The following SLC24A4 variants were observed in gnomAD, a reference collection of about 807,000 sequenced individuals.
SLC24A4 encodes the protein sodium/potassium/calcium exchanger 4.
A neutral mutation model predicts 79.0 loss-of-function variants in SLC24A4; 53 were observed. The ratio of observed to expected loss-of-function variants is 0.67; its 90% CI spans 0.54 to 0.84. The LOEUF (loss-of-function observed/expected upper bound fraction) is 0.84. Ranked by LOEUF, SLC24A4 falls within the 40% of genes least tolerant of loss-of-function variation. The pLI is 0.00. For synonymous variants in SLC24A4, 323 were observed against 323.8 expected, an observed-to-expected ratio of 1.00 and a Z score of 0.03; for missense variants, 731 against 822.0, an observed-to-expected ratio of 0.89 and a Z score of 1.35.
chr14:92,344,297 CAA>C (rs1480211411), intron 2 of SLC24A4, among the ~76,000 whole-genome samples: 2 of 152,174 alleles, frequency 1.3e-5, no homozygotes, highest in Non-Finnish European at 1.5e-5. Flanking sequence ...GAATGGAAGA[CAA>C]GAGAAGCCGT....
chr14:92,398,350 G>A lies in SLC24A4; in HGVS notation c.242-35562G>A, dbSNP rs1274456198. ...AACTGCAGCAGGGTTAGAAAGGGAG[G>A]AGGCTGGCAGCAGGCTGGTGGGCGG... On this transcript the variant is annotated intron_variant, in intron 2 of 16. Coordinates refer to ENST00000532405, the MANE Select transcript of SLC24A4 (RefSeq NM_153646.4). This position sits in a 1 kb window ranked among gnomAD's most constrained non-coding sequence, Gnocchi z 4.1. 6.6e-6 allele frequency among the ~76,000 whole-genome samples: 1 copy of A among 152,184 alleles called. No individual in the cohort carries two copies. The highest frequency in any genetic ancestry group is 1.5e-5 in the Non-Finnish European group (1 of 68,030).
At chr14:92,474,556 C>T (rs964269203) in intron 12 of SLC24A4, among the ~76,000 whole-genome samples, 1 of 151,664 alleles carries the variant, frequency 6.6e-6, no homozygotes, top group Non-Finnish European at 1.5e-5. Flanking sequence ...GTGATCTCTG[C>T]TCACTGCAAC....
rs1338172483 is a variant in SLC24A4, at chr14:92,490,525, T to C, written c.1538-1140T>C. On this transcript the variant is annotated intron_variant, in intron 14 of 16. Coordinates refer to ENST00000532405, the MANE Select transcript of SLC24A4 (RefSeq NM_153646.4). This position sits in a 1 kb window ranked among gnomAD's most constrained non-coding sequence, Gnocchi z 4.3. ...GAGCATACAATCCGATATCCTGTGA[T>C]TCCCAGGCAGGGTCGTGGGTGCTGT... Among the ~76,000 whole-genome samples the C allele has an allele frequency of 3.9e-5, 6 of 152,188 alleles. No individual in the cohort carries two copies. Among genetic ancestry groups the C allele is most frequent in the Non-Finnish European group, 7.4e-5 (5 of 68,026 alleles).
At chr14:92,461,914 C>G (rs1446343082) in intron 12 of SLC24A4, among the ~76,000 whole-genome samples, 1 of 152,222 alleles carries the variant, frequency 6.6e-6, no homozygotes, top group Admixed American at 6.5e-5. Context: ...CCCAGCAGCT[C>G]TGCAGGTGCA....
chr14:92,413,367 G>T (rs1014320823), intron 2 of SLC24A4, among the ~76,000 whole-genome samples: 15 of 150,992 alleles, frequency 9.9e-5, no homozygotes, highest in Non-Finnish European at 1.9e-4. Flanking sequence ...TCATTCCTTT[G>T]CCTAGAAAGT....
chr14:92,484,623 CCCCAGCCCCAGGCACT>C (rs1470233667), intron 13 of SLC24A4: 3 of 985,302 alleles, frequency 3.0e-6, no homozygotes, highest in Non-Finnish European at 3.6e-6. Context: ...CCAGCATCTG[CCCCAGCCCCAGGCACT>C]CACACTTGGA....
At chr14:92,486,832 C>A in intron 14 of SLC24A4, 52 bp downstream of exon 14, 2 of 1,332,024 alleles carry the variant, frequency 1.5e-6, no homozygotes, top group East Asian at 2.4e-5. Context: ...CCACTGTGTC[C>A]TCGTCCCTGC....
chr14:92,379,767 C>T (rs1311027949), intron 2 of SLC24A4, among the ~76,000 whole-genome samples: 3 of 152,112 alleles, frequency 2.0e-5, no homozygotes, highest in African/African-American at 4.8e-5. Context: ...TTGAAACTCA[C>T]GTGCCTCCTG....
rs1696945959 is a variant in SLC24A4 at position 92,441,848 on chromosome 14, G to T, written c.394-241G>T. 6.6e-6 allele frequency among the ~76,000 whole-genome samples: 1 copy of T among 152,210 alleles called. No homozygotes were observed. Among genetic ancestry groups the T allele is most frequent in the African/African-American group, 2.4e-5 (1 of 41,444 alleles). On this transcript the variant is annotated intron_variant, in intron 4 of 16. Transcript: ENST00000532405. This position sits in a 1 kb window ranked among gnomAD's most constrained non-coding sequence, Gnocchi z 4.6. Reference sequence around the variant, plus strand: ...ACATTATTTGGTCACGGGCTTGGAGGACAAACAGAAAGGAGATAGTTGGGG... The same window carrying T: ...ACATTATTTGGTCACGGGCTTGGAGTACAAACAGAAAGGAGATAGTTGGGG...
intron 2 of SLC24A4, among the ~76,000 whole-genome samples, chr14:92,377,227 A>G (rs1273529234): frequency 6.6e-6 from 1 of 152,204 alleles, no homozygotes; most frequent in South Asian, 2.1e-4. Context: ...TTAAACAGGG[A>G]GAATTATACA....
intron 2 of SLC24A4, among the ~76,000 whole-genome samples, chr14:92,376,252 A>C (rs985505262): frequency 6.6e-6 from 1 of 152,146 alleles, no homozygotes; most frequent in South Asian, 2.1e-4. Context: ...GATAGAACCT[A>C]CCTCACAGGG....
chr14:92,355,639 G>A (rs1887138272), intron 2 of SLC24A4, among the ~76,000 whole-genome samples: 1 of 152,172 alleles, frequency 6.6e-6, no homozygotes, highest in Non-Finnish European at 1.5e-5. Context: ...AGGACAGAAA[G>A]GCAAAGCTTG....
intron 2 of SLC24A4, among the ~76,000 whole-genome samples, chr14:92,418,230 AG>A (rs1235678848): frequency 2.6e-5 from 4 of 152,210 alleles, no homozygotes; most frequent in African/African-American, 9.6e-5. Context: ...GCCTGGGAGC[AG>A]GGGTGGGAGA....
At chr14:92,481,350 C>T (rs1427008769) in intron 12 of SLC24A4, among the ~76,000 whole-genome samples, 1 of 152,106 alleles carries the variant, frequency 6.6e-6, no homozygotes, top group Non-Finnish European at 1.5e-5. Context: ...CTGTCATCTG[C>T]CACTTCCAGC....
chr14:92,401,534 T>A (rs920135965), intron 2 of SLC24A4, among the ~76,000 whole-genome samples: 7 of 152,130 alleles, frequency 4.6e-5, no homozygotes, highest in African/African-American at 1.7e-4. Flanking sequence ...GAAGGAACCC[T>A]CCATGTGCCT....
At chr14:92,470,640 A>G (rs1318844385) in intron 12 of SLC24A4, among the ~76,000 whole-genome samples, 4 of 152,194 alleles carry the variant, frequency 2.6e-5, no homozygotes, top group African/African-American at 4.8e-5. Flanking sequence ...TTGCGTGTCA[A>G]TCGGAGTCCG....
intron 2 of SLC24A4, among the ~76,000 whole-genome samples, chr14:92,358,318 C>T (rs931365224): frequency 2.0e-5 from 3 of 152,148 alleles, no homozygotes; most frequent in East Asian, 1.9e-4. Context: ...ATTTTAATTA[C>T]GTTGACCCTG....
intron 2 of SLC24A4, among the ~76,000 whole-genome samples, chr14:92,430,032 G>A (rs944957672): frequency 6.6e-6 from 1 of 152,218 alleles, no homozygotes; most frequent in East Asian, 1.9e-4. Context: ...AGGCACGTCC[G>A]TGACGCTCTG....
rs754774193 is a variant in SLC24A4 at position 92,449,163 on chromosome 14, A to G, written c.827A>G (p.Asn276Ser). ...GTCAACAGTGAGCTGGAGGCTGGTAATGATTTCTATGACGGTAGCTATGAT... is the reference window on the plus strand; with the variant it reads ...GTCAACAGTGAGCTGGAGGCTGGTAGTGATTTCTATGACGGTAGCTATGAT... ...NPVNSELEAG[N>S]DFYDGSYDDP... Residue 276 changes from asparagine to serine, a missense_variant, in exon 10 of 17, where the codon AAT (asparagine) becomes AGT (serine). Transcript: ENST00000532405. 3 of 1,614,198 alleles carry G rather than the reference A, an allele frequency of 1.9e-6. No homozygotes were observed. The South Asian group carries it at 3.3e-5, about 18-fold the overall frequency.
Sources: gnomAD v4.1 joint callset for allele counts (sites outside exome capture counted in the v4.1 genomes callset) on GRCh38, gnomAD v4.1.1 for gene constraint, Gnocchi (gnomAD v3.1) non-coding constraint, MANE v1.5 for transcripts, NCBI Gene and HGNC (gene_info 2026-07-23, HGNC 2026-07-21) for gene names.